The following PALM2AKAP2 variants were observed in gnomAD, a reference collection of about 807,000 sequenced individuals.
PALM2AKAP2 encodes the protein PALM2 and AKAP2 fusion.
In PALM2AKAP2, 37 loss-of-function variants were observed where a neutral mutation model predicts 71.5. The observed-to-expected ratio is 0.52, with a 90% CI of 0.40 to 0.68. The LOEUF is 0.68. PALM2AKAP2 is among the 30% of genes least tolerant of loss of function. The pLI is 0.00. For missense variants in PALM2AKAP2, 1,224 were observed against 1,191.8 expected (o/e 1.03, Z -0.40); for synonymous variants, 468 against 478.8 (o/e 0.98, Z 0.29).
At chr9:109,855,896 T>A (rs1281601112) in intron 1 of PALM2AKAP2, among the ~76,000 whole-genome samples, 2 of 152,244 alleles carry the variant, frequency 1.3e-5, no homozygotes, top group African/African-American at 4.8e-5. Context: ...ATCATTTTTT[T>A]AACCTGAAAA....
At chr9:110,062,948 A>C (rs1374280701) in intron 1 of PALM2AKAP2, among the ~76,000 whole-genome samples, 1 of 152,168 alleles carries the variant, frequency 6.6e-6, no homozygotes, top group African/African-American at 2.4e-5. Flanking sequence ...GAGCTGTTAA[A>C]ACTTCACCAT....
At chr9:110,108,628 A>G (rs1301126905) in intron 1 of PALM2AKAP2, among the ~76,000 whole-genome samples, 1 of 152,154 alleles carries the variant, frequency 6.6e-6, no homozygotes, top group Non-Finnish European at 1.5e-5. Flanking sequence ...AGAATGTTTC[A>G]AAAATCGTGA....
chr9:110,050,858 C>T (rs1833696585), intron 1 of PALM2AKAP2, among the ~76,000 whole-genome samples: 1 of 151,982 alleles, frequency 6.6e-6, no homozygotes, highest in South Asian at 2.1e-4. Context: ...GAACTCCTGA[C>T]CTTAGGTGAT....
At chr9:109,817,966 T>C (rs1305800955) in intron 1 of PALM2AKAP2, among the ~76,000 whole-genome samples, 1 of 152,220 alleles carries the variant, frequency 6.6e-6, no homozygotes, top group Non-Finnish European at 1.5e-5. Context: ...ATCTCCCACA[T>C]GTTCCTCTGT....
At chr9:110,111,942 C>T (rs1835263603) in intron 1 of PALM2AKAP2, among the ~76,000 whole-genome samples, 1 of 152,122 alleles carries the variant, frequency 6.6e-6, no homozygotes, top group Non-Finnish European at 1.5e-5. Context: ...AGATCCCCAC[C>T]TTCTGCCCTG....
intron 3 of PALM2AKAP2, among the ~76,000 whole-genome samples, chr9:110,165,292 A>T (rs1836708346): frequency 1.4e-5 from 1 of 71,048 alleles, no homozygotes; most frequent in Non-Finnish European, 3.2e-5. Flanking sequence ...ATTCACACAC[A>T]CACACACACA....
At chr9:109,745,397 A>G (rs10980022) in intron 1 of PALM2AKAP2, among the ~76,000 whole-genome samples, 2 of 151,840 alleles carry the variant, frequency 1.3e-5, no homozygotes, top group Non-Finnish European at 2.9e-5. Flanking sequence ...CCAGGCTCTC[A>G]TTTCTTCTGA....
chr9:110,102,366 TG>T (rs1226280814), intron 1 of PALM2AKAP2, among the ~76,000 whole-genome samples: 4 of 152,356 alleles, frequency 2.6e-5, no homozygotes, highest in East Asian at 3.9e-4. Context: ...TTTATGAATA[TG>T]TATTAAATAT....
At chr9:110,101,990 A>C (rs1403190506) in intron 1 of PALM2AKAP2, among the ~76,000 whole-genome samples, 14 of 152,180 alleles carry the variant, frequency 9.2e-5, no homozygotes, top group Admixed American at 9.2e-4. Context: ...TGCATGTTGC[A>C]TATGTGATCT....
chr9:109,823,367 C>T (rs1469691994), intron 1 of PALM2AKAP2, among the ~76,000 whole-genome samples: 1 of 152,196 alleles, frequency 6.6e-6, no homozygotes, highest in East Asian at 1.9e-4. Context: ...CAGCCCTGGA[C>T]CTGAGCCAGA....
intron 2 of PALM2AKAP2, among the ~76,000 whole-genome samples, chr9:110,150,193 C>G (rs1359427906): frequency 2.0e-5 from 3 of 152,216 alleles, no homozygotes; most frequent in Non-Finnish European, 2.9e-5. Flanking sequence ...AGGGAGAGAG[C>G]CTTCAGCAGA....
chr9:109,836,434 CAG>C, intron 1 of PALM2AKAP2, among the ~76,000 whole-genome samples: 1 of 152,306 alleles, frequency 6.6e-6, no homozygotes, highest in Non-Finnish European at 1.5e-5. Flanking sequence ...GGGGAAAAAA[CAG>C]AGCAGAAAAC....
chr9:109,722,617 T>C (rs1036752817), intron 1 of PALM2AKAP2, among the ~76,000 whole-genome samples: 2 of 151,826 alleles, frequency 1.3e-5, no homozygotes, highest in African/African-American at 4.8e-5. Context: ...ACAAAAAATA[T>C]GAAAATTAGC....
intron 3 of PALM2AKAP2, among the ~76,000 whole-genome samples, chr9:109,917,062 C>A (rs1030784066): frequency 3.9e-5 from 6 of 152,154 alleles, no homozygotes; most frequent in Admixed American, 2.0e-4. Context: ...TCTGGGTACA[C>A]TTTGTATAAC....
intron 6 of PALM2AKAP2, among the ~76,000 whole-genome samples, chr9:109,999,796 T>A (rs115039352): frequency 0.019 from 2,819 of 152,218 alleles, 99 homozygotes; most frequent in African/African-American, 0.065. Flanking sequence ...AACTGTGAGT[T>A]CCCAGCAGAG....
intron 3 of PALM2AKAP2, among the ~76,000 whole-genome samples, chr9:109,897,285 A>G (rs1830223873): frequency 6.6e-6 from 1 of 152,216 alleles, no homozygotes; most frequent in African/African-American, 2.4e-5. Flanking sequence ...TAAATTGCTT[A>G]AAATAGTATT....
chr9:109,849,158 C>T (rs1171667810), intron 1 of PALM2AKAP2, among the ~76,000 whole-genome samples: 2 of 152,020 alleles, frequency 1.3e-5, no homozygotes, highest in East Asian at 3.9e-4. Flanking sequence ...ATGTTATTTC[C>T]TAAAAACTGT....
intron 1 of PALM2AKAP2, chr9:109,862,976 A>C (rs750810684): frequency 1.6e-5 from 8 of 502,596 alleles, no homozygotes; most frequent in Admixed American, 1.0e-4. Context: ...TGAAATAGAC[A>C]GGAGCCTCAC....
intron 1 of PALM2AKAP2, among the ~76,000 whole-genome samples, chr9:110,112,442 A>T (rs1383637398): frequency 6.6e-6 from 1 of 152,202 alleles, no homozygotes; most frequent in African/African-American, 2.4e-5. Flanking sequence ...CAGAGTTGCC[A>T]TGAGGATTTA....
Sources: gnomAD v4.1 joint callset for allele counts (sites outside exome capture counted in the v4.1 genomes callset) on GRCh38, gnomAD v4.1.1 for gene constraint, MANE v1.5 for transcripts, NCBI Gene and HGNC (gene_info 2026-07-23, HGNC 2026-07-21) for gene names.